DPF1: variants seen among roughly 807,000 people sequenced by gnomAD.
DPF1 encodes double PHD fingers 1, also known as zinc finger protein neuro-d4.
A neutral mutation model predicts 58.7 loss-of-function variants in DPF1; 14 were observed. That is an observed-to-expected ratio of 0.24 (90% confidence interval 0.16 to 0.37). The LOEUF is 0.37. Among genes scored for constraint, DPF1 ranks in the 10% least tolerant of loss-of-function variants. The pLI is 1.00. For synonymous variants in DPF1, 216 were observed against 216.0 expected (o/e 1.00, Z 0.00); for missense variants, 345 against 529.9 (o/e 0.65, Z 3.43).
chr19:38,212,821 GC>G lies in DPF1; in HGVS notation c.1012-461del, dbSNP rs1453887745. ...TTTGAGACGGGAGTCTCACTATGTT[GC>G]CCAGGCTGGTCTGGTCTAGAACTCC... On this transcript the variant is annotated intron_variant, in intron 10 of 11. Transcript: ENST00000355526. 9.1e-5 allele frequency among the ~76,000 whole-genome samples: 10 copies of G among 109,332 alleles called. No homozygotes were observed. In the Admixed American group the frequency reaches 1.0e-3, roughly 11 times the overall value. 71.7% of individuals were successfully genotyped at this position (109,332 alleles called of 152,430 possible). A position where few individuals can be genotyped will look rare whatever the true frequency, so the allele number is the denominator to read the frequency against.
chr19:38,216,183 C>T lies in DPF1; in HGVS notation c.855G>A (p.Gly285=). 1 of 1,614,110 alleles carries T rather than the reference C, an allele frequency of 6.2e-7. No homozygotes were observed. The highest frequency in any genetic ancestry group is 8.5e-7 in the Non-Finnish European group (1 of 1,180,000). The change falls in exon 9 of 12, where the codon GGG becomes GGA. Residue 285 remains glycine, a synonymous_variant. Transcript: ENST00000355526. The part of the protein sequence containing the change: ...DFCLGGSKKT[G]CPEDLISCAD... ...CACAGGAGATGAGGTCCTCGGGACA[C>T]CCCGTCTTCTTGGAGCCCCCCAGGC...
At chr19:38,217,615 G>C in intron 6 of DPF1, 24 bp from the exon 7 acceptor site, 1 of 1,538,386 alleles carries the variant, frequency 6.5e-7, no homozygotes, top group Non-Finnish European at 8.8e-7. Flanking sequence ...GAGCCAGGAG[G>C]GCCTGTCAGC....
intron 7 of DPF1, 64 bp downstream of exon 7, chr19:38,217,396 C>CCCCCGGGG: frequency 2.4e-6 from 3 of 1,225,738 alleles, no homozygotes; most frequent in Non-Finnish European, 3.3e-6. Flanking sequence ...CCCCCACCCC[C>CCCCCGGGG]AGCTGGGCTC....
chr19:38,221,848 G>A (rs1190759224), intron 3 of DPF1, among the ~76,000 whole-genome samples: 1 of 151,908 alleles, frequency 6.6e-6, no homozygotes, highest in Non-Finnish European at 1.5e-5. Context: ...TTGGGAGGCC[G>A]AGGTGGCCAG....
chr19:38,222,839 C>A lies in DPF1; in HGVS notation c.30-131G>T. 7.8e-7 allele frequency: 1 copy of A among 1,274,710 alleles called. No homozygotes were observed. The highest frequency in any genetic ancestry group is 1.0e-6 in the Non-Finnish European group (1 of 973,836). 79.0% of individuals were successfully genotyped at this position (1,274,710 alleles called of 1,614,324 possible). The stretch of plus-strand genomic sequence containing the variant: ...GGCCGACCCCTCCAGCCTCACCTCT[C>A]CCCTCCTCCCACTCCGGGACCCAGG... On this transcript the variant is annotated intron_variant, in intron 1 of 11. Transcript: ENST00000355526. The surrounding 1 kb of genome is among the most constrained non-coding windows in gnomAD (Gnocchi z 4.9).
chr19:38,222,749 C>A lies in DPF1; in HGVS notation c.30-41G>T, dbSNP rs376320422. 2 of 1,526,836 alleles carry A rather than the reference C, an allele frequency of 1.3e-6. No individual in the cohort carries two copies. Among genetic ancestry groups the A allele is most frequent in the Admixed American group, 2.0e-5 (1 of 50,530 alleles). The allele number at this position is 1,526,836 out of a possible 1,614,324, so 94.6% of individuals were successfully genotyped here. On this transcript the variant is annotated intron_variant, in intron 1 of 11. Transcript: ENST00000355526. This position sits in a 1 kb window ranked among gnomAD's most constrained non-coding sequence, Gnocchi z 4.9. ...ACGGGCGGGCGGCTGTCAGCAAGGGCAGGCGCACAGGGTCGCCCAGCACCC... is the reference window on the plus strand; with the variant it reads ...ACGGGCGGGCGGCTGTCAGCAAGGGAAGGCGCACAGGGTCGCCCAGCACCC...
intron 9 of DPF1, 128 bp downstream of exon 9, chr19:38,216,010 GTT>G: frequency 6.9e-7 from 1 of 1,445,362 alleles, no homozygotes; most frequent in Non-Finnish European, 9.2e-7. Flanking sequence ...GCTAGCTCTG[GTT>G]ATCCACAGTA....
chr19:38,212,364 G>A lies in DPF1; in HGVS notation c.1012-3C>T. On this transcript the variant is annotated splice_polypyrimidine_tract_variant and splice_region_variant and intron_variant, in intron 10 of 11. Transcript: ENST00000355526. ...TCATCACAAAACAGCAGCTGGTCCT[G>A]GGGGGTGAGACCCGCCCAGCTGGCA... 6.8e-7 allele frequency: 1 copy of A among 1,467,264 alleles called. No homozygotes were observed. Among genetic ancestry groups the A allele is most frequent in the Non-Finnish European group, 9.0e-7 (1 of 1,110,116 alleles). 90.9% of individuals were successfully genotyped at this position (1,467,264 alleles called of 1,614,324 possible). A position where few individuals can be genotyped will look rare whatever the true frequency, so the allele number is the denominator to read the frequency against.
At position 38,217,821 on chromosome 19, in the gene DPF1, C is replaced by G; in HGVS notation, c.572G>C (p.Arg191Pro). ...KRQDTASLED[R>P]DKPYVCDICG... The stretch of plus-strand genomic sequence containing the variant: ...ACTATCACAGACATACGGCTTGTCT[C>G]GGTCCTCCAGGGAAGCGGTGTCCTG... The change falls in exon 6 of 12, where the codon CGA (arginine) becomes CCA (proline). Residue 191 changes from arginine (R) to proline (P), a missense_variant. Arg to Pro is a moderately radical substitution (Grantham distance 103, BLOSUM62 -2). Coordinates refer to ENST00000355526, the MANE Select transcript of DPF1 (RefSeq NM_001135155.3). The G allele has an allele frequency of 1.9e-6, 3 of 1,614,124 alleles. No individual in the cohort carries two copies. Among genetic ancestry groups the G allele is most frequent in the Non-Finnish European group, 1.7e-6 (2 of 1,180,032 alleles).
chr19:38,215,931 A>C (rs979944120), intron 9 of DPF1, among the ~76,000 whole-genome samples: 1 of 152,188 alleles, frequency 6.6e-6, no homozygotes, highest in Non-Finnish European at 1.5e-5. Flanking sequence ...TGAGAGCCAC[A>C]TCCCATTATC....
At position 38,229,669 on chromosome 19, in the gene DPF1, C is replaced by G; in HGVS notation, c.-242G>C. 1 of 623,442 alleles carries G rather than the reference C, an allele frequency of 1.6e-6. No individual in the cohort carries two copies. The highest frequency in any genetic ancestry group is 2.0e-6 in the Non-Finnish European group (1 of 499,234). The allele number at this position is 623,442 out of a possible 1,614,324, so 38.6% of individuals were successfully genotyped here. On this transcript the variant is annotated 5_prime_UTR_variant, in exon 1 of 12. Coordinates refer to the DPF1 transcript ENST00000412732. The surrounding 1 kb of genome is among the most constrained non-coding windows in gnomAD (Gnocchi z 5.3). ...GGCCCAGCCCGGCCTGCGCCGCCCG[C>G]TCTGCCGCCCAGCGCGCTACGATTT...
intron 9 of DPF1, among the ~76,000 whole-genome samples, chr19:38,215,564 A>G (rs2146139543): frequency 6.6e-6 from 1 of 152,236 alleles, no homozygotes; most frequent in East Asian, 1.9e-4. Context: ...CAGCCTCCCG[A>G]GTAGCTGGGG....
chr19:38,229,485 G>T lies in DPF1; in HGVS notation c.-132+74C>A. The T allele has an allele frequency of 2.6e-6, 2 of 755,566 alleles. No homozygotes were observed. The highest frequency in any genetic ancestry group is 3.2e-6 in the Non-Finnish European group (2 of 622,316). The allele number at this position is 755,566 out of a possible 1,614,324, so 46.8% of individuals were successfully genotyped here. A position where few individuals can be genotyped will look rare whatever the true frequency, so the allele number is the denominator to read the frequency against. ...TCCGCGCGCTGCGTCCCCCTCCTCAGCCCCAGGGCGGGCGGGGGAAGGGCT... is the reference window on the plus strand; with the variant it reads ...TCCGCGCGCTGCGTCCCCCTCCTCATCCCCAGGGCGGGCGGGGGAAGGGCT... On this transcript the variant is annotated intron_variant, in intron 1 of 11. Transcript: ENST00000412732. This position sits in a 1 kb window ranked among gnomAD's most constrained non-coding sequence, Gnocchi z 5.3.
rs776928079 is a variant in DPF1, at chr19:38,222,651, G to A, written c.87C>T (p.Arg29=). 1 of 1,608,946 alleles carries A rather than the reference G, an allele frequency of 6.2e-7. No individual in the cohort carries two copies. Among genetic ancestry groups the A allele is most frequent in the Non-Finnish European group, 8.5e-7 (1 of 1,178,090 alleles). ...GTCGCAGGCTGCGCTCGGCGCACAGGCGCGCGTTGTAACTGCGGCAGTGCT... is the reference window on the plus strand; with the variant it reads ...GTCGCAGGCTGCGCTCGGCGCACAGACGCGCGTTGTAACTGCGGCAGTGCT... The part of the protein sequence containing the change: ...AIEHCRSYNA[R]LCAERSLRLP... The change falls in exon 2 of 12, where the codon CGC becomes CGT. Residue 29 remains arginine, a synonymous_variant. Transcript: ENST00000355526. This position sits in a 1 kb window ranked among gnomAD's most constrained non-coding sequence, Gnocchi z 4.9.
Position 38,222,399 on chromosome 19 carries a change from T to C in DPF1, c.256A>G (p.Ile86Val). The C allele has an allele frequency of 6.3e-7, 1 of 1,589,030 alleles. No individual in the cohort carries two copies. Among genetic ancestry groups the C allele is most frequent in the Non-Finnish European group, 8.5e-7 (1 of 1,173,498 alleles). ...RCWRKKRRLN[I>V]LEDPRLRPCE... ...GGCCTGAGTCTGGGGTCCTCCAGGA[T>C]GTTGAGTCTCCGTTTCTTCCTCCAA... The change falls in exon 3 of 12, where the codon ATC (isoleucine) becomes GTC (valine). Residue 86 changes from isoleucine to valine, a missense_variant. Transcript: ENST00000355526. The surrounding 1 kb of genome is among the most constrained non-coding windows in gnomAD (Gnocchi z 4.9).
In DPF1 at chr19:38,219,010, A is replaced by G. The variant is rs1223694383; in HGVS notation, c.347T>C (p.Val116Ala). 1.9e-6 allele frequency: 3 copies of G among 1,614,148 alleles called. No homozygotes were observed. The highest frequency in any genetic ancestry group is 2.5e-6 in the Non-Finnish European group (3 of 1,180,014). The change falls in exon 4 of 12, where the codon GTC becomes GCC. Residue 116 changes from valine (V) to alanine (A), a missense_variant. Coordinates refer to ENST00000355526, the MANE Select transcript of DPF1 (RefSeq NM_001135155.3). ...KKEGGLPEGPVLEALLCAETG... is the reference protein window; with the variant it reads ...KKEGGLPEGPALEALLCAETG... ...CTCTGCACACAGTAGAGCCTCGAGG[A>G]CCGGCCCTTCCGGGAGGCCACCCTC...
At chr19:38,225,007 T>G (rs1967755188), upstream of DPF1, among the ~76,000 whole-genome samples, 1 of 152,176 alleles carries the variant, frequency 6.6e-6, no homozygotes, top group South Asian at 2.1e-4. Context: ...TCCCGGCACT[T>G]TGGGAGGCCC....
chr19:38,226,829 C>T (rs181777657), upstream of DPF1, among the ~76,000 whole-genome samples: 354 of 152,170 alleles, frequency 2.3e-3, 2 homozygotes, highest in Non-Finnish European at 1.6e-3. Context: ...ATTCCCACAC[C>T]GCTAGCCTCA....
intron 3 of DPF1, 70 bp from the exon 4 acceptor site, chr19:38,219,128 G>T (rs1360813895): frequency 3.2e-6 from 5 of 1,585,768 alleles, no homozygotes; most frequent in African/African-American, 2.7e-5. Context: ...CTATGCAGGT[G>T]GGGGGACCAT....
Sources: gnomAD v4.1 joint callset for allele counts (sites outside exome capture counted in the v4.1 genomes callset) on GRCh38, gnomAD v4.1.1 for gene constraint, Gnocchi (gnomAD v3.1) non-coding constraint, MANE v1.5 for transcripts, NCBI Gene and HGNC (gene_info 2026-07-23, HGNC 2026-07-21) for gene names.